The following SPAG17 variants were observed in gnomAD, a reference collection of about 807,000 sequenced individuals.
SPAG17 encodes the protein sperm-associated antigen 17.
Under a neutral mutation model 273.6 loss-of-function variants are expected in SPAG17, and 169 were observed. That is an observed-to-expected ratio of 0.62 (90% CI 0.55 to 0.70). SPAG17 has a LOEUF of 0.70. Ranked by LOEUF, SPAG17 falls within the 30% of genes least tolerant of loss-of-function variation. The pLI is 0.00. For synonymous variants in SPAG17, 825 were observed against 873.2 expected (o/e 0.94, Z 0.97); for missense variants, 2,557 against 2,627.8 (o/e 0.97, Z 0.59).
chr1:118,140,319 T>C (rs1311833449), intron 3 of SPAG17, among the ~76,000 whole-genome samples: 1 of 152,176 alleles, frequency 6.6e-6, no homozygotes, highest in Non-Finnish European at 1.5e-5. Context: ...TAATAGAGAA[T>C]TGTACATTTC....
chr1:118,074,061 T>A (rs1231614504), intron 16 of SPAG17, 94 bp from the exon 17 acceptor site: 8 of 769,072 alleles, frequency 1.0e-5, no homozygotes, highest in Non-Finnish European at 1.6e-5. Flanking sequence ...ATGTACTCCA[T>A]CTAATTGGGG....
At chr1:118,040,364 G>T (rs1157210209) in intron 22 of SPAG17, among the ~76,000 whole-genome samples, 1 of 152,154 alleles carries the variant, frequency 6.6e-6, no homozygotes, top group Non-Finnish European at 1.5e-5. Flanking sequence ...CCAGAAAAAT[G>T]CTGTAAACTC....
rs1451606406 is a variant in SPAG17 at position 118,151,225 on chromosome 1, G to T, written c.228+4C>A. 6.4e-7 allele frequency: 1 copy of T among 1,563,074 alleles called. No individual in the cohort carries two copies. Among genetic ancestry groups the T allele is most frequent in the African/African-American group, 1.3e-5 (1 of 74,084 alleles). ...GTGGCTTTGAGGTAGGAAGGGACAG[G>T]TACCTGCTGGAGAATGTCTTGCCAC... On this transcript the variant is annotated splice_donor_region_variant and intron_variant, in intron 2 of 48. Transcript: ENST00000336338.
chr1:118,091,353 A>C (rs2102189124), intron 10 of SPAG17, among the ~76,000 whole-genome samples: 1 of 152,326 alleles, frequency 6.6e-6, no homozygotes, highest in East Asian at 1.9e-4. Context: ...CACCAGACAC[A>C]GAGTATTGAG....
intron 43 of SPAG17, 116 bp downstream of exon 43, chr1:117,981,154 A>AG: frequency 9.1e-7 from 1 of 1,093,382 alleles, no homozygotes; most frequent in Non-Finnish European, 1.3e-6. Context: ...AGGATCCGTG[A>AG]CCCTCTCGAT....
At chr1:118,136,801 A>ATGTGTGTGTGTG (rs5777337) in intron 3 of SPAG17, among the ~76,000 whole-genome samples, 4,103 of 147,220 alleles carry the variant, frequency 0.028, 83 homozygotes, top group South Asian at 0.07. Context: ...GTGTGTGTGT[A>ATGTGTGTGTGTG]TGTGTGTGTG....
rs76248355 is a variant in SPAG17, at chr1:118,035,886, T to C, written c.3433+884A>G. On this transcript the variant is annotated intron_variant, in intron 24 of 48. Transcript: ENST00000336338. ...AAAGAAACAGCTTCCAGTTGGATAATTTATTTATTGAAAATGGGGTAGAAG... is the reference window on the plus strand; with the variant it reads ...AAAGAAACAGCTTCCAGTTGGATAACTTATTTATTGAAAATGGGGTAGAAG... 4.7e-3 allele frequency among the ~76,000 whole-genome samples: 710 copies of C among 152,290 alleles called. 5 individuals are homozygous for C. Among genetic ancestry groups the C allele is most frequent in the African/African-American group, 0.016 (676 of 41,574 alleles).
At chr1:118,125,127 T>C (rs528254767) in intron 3 of SPAG17, among the ~76,000 whole-genome samples, 67 of 152,298 alleles carry the variant, frequency 4.4e-4, no homozygotes, top group Admixed American at 8.5e-4. Flanking sequence ...AGTGGGGACC[T>C]GTGACTCAGG....
chr1:117,971,895 T>C lies in SPAG17; in HGVS notation c.6294A>G (p.Val2098=), dbSNP rs2101512780. Residue 2098 remains valine, a synonymous_variant, in exon 45 of 49, where the codon GTA becomes GTG. Coordinates refer to ENST00000336338, the MANE Select transcript of SPAG17 (RefSeq NM_206996.4). The part of the protein sequence containing the change: ...LKEGHTYATV[V]KLKNVGVDFC... ...AGTCCACTCCAACATTCTTGAGCTT[T>C]ACAACTGTGGCATAGGTATGTCCTT... The C allele has an allele frequency of 6.2e-7, 1 of 1,613,942 alleles. No individual in the cohort carries two copies. Among genetic ancestry groups the C allele is most frequent in the Non-Finnish European group, 8.5e-7 (1 of 1,179,924 alleles).
intron 48 of SPAG17, among the ~76,000 whole-genome samples, chr1:117,958,688 A>G (rs1470729856): frequency 6.6e-6 from 1 of 151,802 alleles, no homozygotes; most frequent in East Asian, 1.9e-4. Flanking sequence ...AATGAGTTGA[A>G]TGTGTCATAA....
intron 46 of SPAG17, among the ~76,000 whole-genome samples, chr1:117,968,554 T>A (rs927946740): frequency 1.3e-5 from 2 of 152,244 alleles, no homozygotes; most frequent in Non-Finnish European, 2.9e-5. Context: ...TGTATAATAC[T>A]GTTTTCTATA....
At chr1:118,080,137 T>C (rs1654424036) in intron 15 of SPAG17, among the ~76,000 whole-genome samples, 1 of 152,176 alleles carries the variant, frequency 6.6e-6, no homozygotes, top group Non-Finnish European at 1.5e-5. Flanking sequence ...ACTCCTGGCC[T>C]CAAGCAATCC....
intron 42 of SPAG17, among the ~76,000 whole-genome samples, 199 bp from the exon 43 acceptor site, chr1:117,981,600 T>C (rs1191704420): frequency 2.0e-5 from 3 of 152,218 alleles, no homozygotes; most frequent in African/African-American, 7.2e-5. Flanking sequence ...ATGTTTGCCA[T>C]TAACAAACAG....
intron 15 of SPAG17, 27 bp downstream of exon 15, chr1:118,081,058 TACACACACACACACAC>T (rs56768861): frequency 7.4e-6 from 9 of 1,213,652 alleles, no homozygotes; most frequent in Admixed American, 3.5e-5. Flanking sequence ...AATAGTGTCT[TACACACACACACACAC>T]ACACACACAC....
chr1:117,971,982 T>C lies in SPAG17; in HGVS notation c.6207A>G (p.Ala2069=). 1.2e-6 allele frequency: 2 copies of C among 1,614,122 alleles called. No individual in the cohort carries two copies. Among genetic ancestry groups the C allele is most frequent in the Non-Finnish European group, 1.7e-6 (2 of 1,179,986 alleles). Reference sequence around the variant, plus strand: ...GATGGAACCCAAAAAGGGATGACTTTGCATTATTAATGGCAGCAGATGCAA... The same window carrying C: ...GATGGAACCCAAAAAGGGATGACTTCGCATTATTAATGGCAGCAGATGCAA... ...SSVASAAINN[A]KSSLFGFHLL... Residue 2069 remains alanine, a synonymous_variant, in exon 45 of 49, where the codon GCA becomes GCG. Coordinates refer to ENST00000336338, the MANE Select transcript of SPAG17 (RefSeq NM_206996.4).
chr1:118,069,062 T>C (rs1481716265), intron 17 of SPAG17, among the ~76,000 whole-genome samples: 1 of 152,072 alleles, frequency 6.6e-6, no homozygotes, highest in Non-Finnish European at 1.5e-5. Flanking sequence ...CATATAAAAG[T>C]AGGCCGGGTG....
rs149179414 is a variant in SPAG17, at chr1:118,145,042, G to A, written c.315+5501C>T. Reference sequence around the variant, plus strand: ...ATTTTTTTGTTTTGTTTTAAAGCGCGGGATTGAAAAGGCCAGAGAATGCTT... The same window carrying A: ...ATTTTTTTGTTTTGTTTTAAAGCGCAGGATTGAAAAGGCCAGAGAATGCTT... On this transcript the variant is annotated intron_variant, in intron 3 of 48. Transcript: ENST00000336338. Among the ~76,000 whole-genome samples, 16 of 152,174 alleles carry A rather than the reference G, an allele frequency of 1.1e-4. No homozygotes were observed. The Middle Eastern group carries it at 0.01, about 97-fold the overall frequency.
intron 28 of SPAG17, among the ~76,000 whole-genome samples, chr1:118,022,111 T>C (rs964608255): frequency 1.3e-5 from 2 of 152,068 alleles, no homozygotes; most frequent in African/African-American, 4.8e-5. Context: ...TGAGAAAAGT[T>C]TGTAAGGCAG....
intron 1 of SPAG17, among the ~76,000 whole-genome samples, chr1:118,182,861 C>T (rs1232654187): frequency 6.6e-6 from 1 of 152,180 alleles, no homozygotes; most frequent in Non-Finnish European, 1.5e-5. Flanking sequence ...AACCTCTAGT[C>T]TCTATTTAAT....
Sources: allele counts gnomAD v4.1 joint callset (sites outside exome capture counted in the v4.1 genomes callset), GRCh38; gene constraint gnomAD v4.1.1; transcripts MANE v1.5; gene names NCBI Gene and HGNC (gene_info 2026-07-23, HGNC 2026-07-21).